AIMP1: variants seen among roughly 807,000 people sequenced by gnomAD.
AIMP1 encodes aminoacyl tRNA synthetase complex interacting multifunctional protein 1.
A neutral mutation model predicts 33.1 loss-of-function variants in AIMP1; 24 were observed. The observed-to-expected ratio is 0.73, with a 90% CI of 0.53 to 1.02. The LOEUF is 1.02. Among genes scored for constraint, AIMP1 ranks in the 50% least tolerant of loss-of-function variants. The pLI is 0.00. For synonymous variants in AIMP1, 120 were observed against 121.5 expected (o/e 0.99, Z 0.08); for missense variants, 367 against 364.8 (o/e 1.01, Z -0.05).
At chr4:106,320,660 A>T (rs1305299976) in intron 1 of AIMP1, among the ~76,000 whole-genome samples, 2 of 147,830 alleles carry the variant, frequency 1.4e-5, no homozygotes, top group Non-Finnish European at 3.0e-5. Context: ...GGGACAGATT[A>T]AAAAAAAAAG....
intron 4 of AIMP1, 29 bp from the exon 5 acceptor site, chr4:106,331,640 CTGA>C (rs767492501): frequency 1.9e-6 from 3 of 1,588,402 alleles, no homozygotes; most frequent in Non-Finnish European, 2.6e-6. Context: ...GGTTTTATTT[CTGA>C]TGTTTACCCA....
intron 1 of AIMP1, among the ~76,000 whole-genome samples, chr4:106,322,761 G>A (rs1579628454): frequency 6.6e-6 from 1 of 152,140 alleles, no homozygotes; most frequent in East Asian, 1.9e-4. Flanking sequence ...GAGGTGGGCA[G>A]ATCAGTTGAG....
intron 5 of AIMP1, among the ~76,000 whole-genome samples, chr4:106,335,406 A>G (rs1299801314): frequency 2.0e-5 from 3 of 152,136 alleles, no homozygotes; most frequent in Non-Finnish European, 1.5e-5. Flanking sequence ...AAACATCTGT[A>G]TCTAACCCAT....
intron 6 of AIMP1, among the ~76,000 whole-genome samples, chr4:106,343,899 G>T (rs1158795864): frequency 6.6e-6 from 1 of 152,146 alleles, no homozygotes; most frequent in Non-Finnish European, 1.5e-5. Context: ...AGATAATTAT[G>T]AAGCATAGGT....
In AIMP1 at chr4:106,339,061, C is replaced by T. The variant is rs554714525; in HGVS notation, c.772+2024C>T. On this transcript the variant is annotated intron_variant, in intron 6 of 6. Transcript: ENST00000672341. ...TCCCATTTGGAATGGTGTATTTACC[C>T]AATGCCTGTACCCCCAATGTATTCT... Among the ~76,000 whole-genome samples, 20 of 152,352 alleles carry T rather than the reference C, an allele frequency of 1.3e-4. 1 individual carries two copies. The Middle Eastern group carries it at 0.014, about 104-fold the overall frequency.
Position 106,348,533 on chromosome 4 carries a change from G to A in AIMP1, c.*841G>A, listed in dbSNP as rs1486580274. Reference sequence around the variant, plus strand: ...TTGCTTTTTCATGTGTCATCATACTGTCAGTATATTAAAAGAAATTACAGC... The same window carrying A: ...TTGCTTTTTCATGTGTCATCATACTATCAGTATATTAAAAGAAATTACAGC... On this transcript the variant is annotated 3_prime_UTR_variant, in exon 7 of 7. Coordinates refer to ENST00000672341, the MANE Select transcript of AIMP1 (RefSeq NM_001142416.2). 1.3e-5 allele frequency: 2 copies of A among 151,094 alleles called. No individual in the cohort carries two copies. The highest frequency in any genetic ancestry group is 2.1e-4 in the South Asian group (1 of 4,804). The allele number at this position is 151,094 out of a possible 1,614,324, so 9.4% of individuals were successfully genotyped here.
chr4:106,322,251 C>G (rs925474577), intron 1 of AIMP1, among the ~76,000 whole-genome samples: 18 of 151,728 alleles, frequency 1.2e-4, no homozygotes, highest in African/African-American at 3.9e-4. Flanking sequence ...CCAAATCCCC[C>G]TCTCCAAGAA....
At chr4:106,316,635 G>A (rs1579620705) in intron 1 of AIMP1, 41 bp downstream of exon 1, 1 of 1,544,174 alleles carries the variant, frequency 6.5e-7, no homozygotes, top group East Asian at 2.4e-5. Flanking sequence ...GGGGATCGCC[G>A]ATTGCGATCG....
intron 5 of AIMP1, among the ~76,000 whole-genome samples, chr4:106,332,642 T>A (rs960083505): frequency 6.7e-6 from 1 of 148,454 alleles, no homozygotes; most frequent in Non-Finnish European, 1.5e-5. Context: ...CATATATATA[T>A]AAGTTGGTTC....
chr4:106,316,104 T>C (rs1313324870), upstream of AIMP1: 2 of 156,056 alleles, frequency 1.3e-5, no homozygotes, highest in African/African-American at 4.8e-5. Context: ...GCTCAGACGC[T>C]GCCCTTTGCT....
At position 106,324,940 on chromosome 4, in the gene AIMP1, T is replaced by G. The variant is rs769991770; in HGVS notation, c.-25-45T>G. On this transcript the variant is annotated intron_variant, in intron 1 of 6. Transcript: ENST00000672341. Reference sequence around the variant, plus strand: ...TTTCATAGTGGCCTATAGTATAAATTTATTCCTTTCACAGTGTAATTTATC... The same window carrying G: ...TTTCATAGTGGCCTATAGTATAAATGTATTCCTTTCACAGTGTAATTTATC... The G allele has an allele frequency of 3.6e-5, 55 of 1,508,834 alleles. 1 individual carries two copies. The African/African-American group carries it at 4.1e-4, about 11-fold the overall frequency. The allele number at this position is 1,508,834 out of a possible 1,614,324, so 93.5% of individuals were successfully genotyped here.
intron 1 of AIMP1, chr4:106,321,542 C>T (rs965573389): frequency 1.3e-5 from 2 of 154,786 alleles, no homozygotes; most frequent in African/African-American, 4.9e-5. Flanking sequence ...AGGAGCGTTT[C>T]CGCTTTCCGC....
chr4:106,331,603 T>C (rs1262596553), intron 4 of AIMP1, 69 bp from the exon 5 acceptor site: 6 of 1,359,056 alleles, frequency 4.4e-6, no homozygotes, highest in Non-Finnish European at 5.3e-6. Context: ...ATGGATACCA[T>C]GGAGTTTTCA....
chr4:106,337,392 A>G (rs1023973547), intron 6 of AIMP1, among the ~76,000 whole-genome samples: 2 of 152,126 alleles, frequency 1.3e-5, no homozygotes, highest in African/African-American at 4.8e-5. Context: ...TGCTGTTCTC[A>G]TGATAGTGAA....
intron 1 of AIMP1, among the ~76,000 whole-genome samples, chr4:106,322,384 C>A (rs1157962882): frequency 6.6e-6 from 1 of 151,826 alleles, no homozygotes; most frequent in Non-Finnish European, 1.5e-5. Context: ...GTATATATAC[C>A]CATGTTCCTC....
At chr4:106,323,744 A>T (rs1769357159) in intron 1 of AIMP1, among the ~76,000 whole-genome samples, 1 of 152,106 alleles carries the variant, frequency 6.6e-6, no homozygotes, top group African/African-American at 2.4e-5. Flanking sequence ...AGCTATCACA[A>T]ACAATAATGA....
chr4:106,337,194 G>C (rs1440397017), intron 6 of AIMP1, among the ~76,000 whole-genome samples, 157 bp downstream of exon 6: 1 of 152,178 alleles, frequency 6.6e-6, no homozygotes, highest in Non-Finnish European at 1.5e-5. Flanking sequence ...ATTGGCTCAA[G>C]ATGACACATT....
intron 1 of AIMP1, among the ~76,000 whole-genome samples, chr4:106,320,546 T>A (rs1048774974): frequency 9.2e-5 from 14 of 152,106 alleles, no homozygotes; most frequent in Admixed American, 8.5e-4. Context: ...CCAACACTGT[T>A]AGCCCTGGAA....
intron 6 of AIMP1, among the ~76,000 whole-genome samples, chr4:106,340,675 T>A (rs1265486456): frequency 1.3e-5 from 2 of 152,232 alleles, no homozygotes; most frequent in Non-Finnish European, 2.9e-5. Context: ...CACATTTTTT[T>A]AATCCAATCC....
Sources: gnomAD v4.1 joint callset for allele counts (sites outside exome capture counted in the v4.1 genomes callset) on GRCh38, gnomAD v4.1.1 for gene constraint, MANE v1.5 for transcripts, NCBI Gene and HGNC (gene_info 2026-07-23, HGNC 2026-07-21) for gene names.